Variants in RHPN2 observed in about 807,000 individuals in gnomAD.
The protein encoded by RHPN2 is rhophilin-2.
Under a neutral mutation model 79.0 loss-of-function variants are expected in RHPN2, and 40 were observed. The observed-to-expected ratio is 0.51, with a 90% CI of 0.39 to 0.66. The LOEUF (loss-of-function observed/expected upper bound fraction) is 0.66, where lower values mean the gene tolerates loss of function less well. Among genes scored for constraint, RHPN2 ranks in the 30% least tolerant of loss-of-function variants. RHPN2 has a pLI of 0.00. For synonymous variants in RHPN2, 285 were observed against 363.5 expected (o/e 0.78, Z 2.46); for missense variants, 686 against 883.5 (o/e 0.78, Z 2.83).
chr19:32,993,860 A>G, intron 12 of RHPN2, 117 bp downstream of exon 12: 2 of 791,136 alleles, frequency 2.5e-6, no homozygotes, highest in Admixed American at 3.6e-5. Context: ...CTGCTGTCAT[A>G]AGCCCCCCAG....
At chr19:32,996,960 A>G (rs1971707290) in intron 10 of RHPN2, among the ~76,000 whole-genome samples, 1 of 152,108 alleles carries the variant, frequency 6.6e-6, no homozygotes, top group Non-Finnish European at 1.5e-5. Context: ...CAGTGGTGCA[A>G]TCATGGCTTA....
chr19:33,021,602 G>A lies in RHPN2; in HGVS notation c.359C>T (p.Thr120Met), dbSNP rs557556955. 43 of 1,613,892 alleles carry A rather than the reference G, an allele frequency of 2.7e-5. No homozygotes were observed. Among genetic ancestry groups the A allele is most frequent in the East Asian group, 4.5e-5 (2 of 44,866 alleles). ...IPLIPLGLKE[T>M]KDVDFAVVLK... Reference sequence around the variant, plus strand: ...GACGACTGCAAAGTCGACGTCTTTCGTTTCCTTCAGGCCAAGAGGAATCAG... The same window carrying A: ...GACGACTGCAAAGTCGACGTCTTTCATTTCCTTCAGGCCAAGAGGAATCAG... Residue 120 changes from threonine (T) to methionine (M), a missense_variant, in exon 4 of 15, where the codon ACG (threonine) becomes ATG (methionine). Coordinates refer to ENST00000254260, the MANE Select transcript of RHPN2 (RefSeq NM_033103.5).
chr19:33,007,967 C>T (rs760434645), intron 7 of RHPN2, 47 bp downstream of exon 7: 15 of 1,608,504 alleles, frequency 9.3e-6, no homozygotes, highest in Non-Finnish European at 1.2e-5. Context: ...CCTGGTGCCA[C>T]CGGGTGGGGC....
chr19:33,036,735 C>T (rs994448422), intron 2 of RHPN2, among the ~76,000 whole-genome samples: 3 of 152,170 alleles, frequency 2.0e-5, no homozygotes, highest in African/African-American at 7.2e-5. Context: ...CACTAGGAGC[C>T]GACGTCCGGC....
chr19:33,040,123 T>C (rs1972088569), intron 2 of RHPN2, among the ~76,000 whole-genome samples: 1 of 151,544 alleles, frequency 6.6e-6, no homozygotes, highest in South Asian at 2.1e-4. Context: ...GCCCAACAAC[T>C]CTCAGCACAA....
At chr19:33,012,325 C>T (rs1040808291) in intron 5 of RHPN2, among the ~76,000 whole-genome samples, 5 of 151,926 alleles carry the variant, frequency 3.3e-5, no homozygotes, top group African/African-American at 1.2e-4. Flanking sequence ...TACCAGCATG[C>T]ACCACCACGC....
chr19:33,024,683 G>A (rs1424037904), intron 3 of RHPN2, among the ~76,000 whole-genome samples: 1 of 152,126 alleles, frequency 6.6e-6, no homozygotes, highest in East Asian at 1.9e-4. Context: ...TACTTTTTGA[G>A]AAGTCTCATG....
At chr19:33,023,569 C>T (rs543925396) in intron 3 of RHPN2, among the ~76,000 whole-genome samples, 28 of 151,688 alleles carry the variant, frequency 1.8e-4, no homozygotes, top group Middle Eastern at 3.4e-3. Context: ...AGGCGGATCA[C>T]GAGGTCAGGA....
At chr19:32,998,144 G>A (rs1347009730) in intron 10 of RHPN2, among the ~76,000 whole-genome samples, 2 of 152,314 alleles carry the variant, frequency 1.3e-5, no homozygotes, top group East Asian at 3.9e-4. Context: ...TGACCTCTCT[G>A]GGTCTCAGTT....
intron 1 of RHPN2, among the ~76,000 whole-genome samples, chr19:33,045,833 C>T (rs1252977070): frequency 6.6e-6 from 1 of 152,222 alleles, no homozygotes; most frequent in African/African-American, 2.4e-5. Context: ...TAGCCATTAG[C>T]ATCGCTCCTC....
rs1410368510 is a variant in RHPN2, at chr19:33,064,197, G to A, written c.69+587C>T. ...CAGTTCTACAAAAAATTAGCGTGGC[G>A]AGGTGGCGCGCCTGCAGTCCCAGTT... On this transcript the variant is annotated intron_variant, in intron 1 of 14. Coordinates refer to ENST00000254260, the MANE Select transcript of RHPN2 (RefSeq NM_033103.5). Among the ~76,000 whole-genome samples, 3 of 152,150 alleles carry A rather than the reference G, an allele frequency of 2.0e-5. No individual in the cohort carries two copies. In the East Asian group the frequency reaches 5.8e-4, roughly 29 times the overall value.
chr19:32,989,790 C>A lies in RHPN2; in HGVS notation c.1800+724G>T, dbSNP rs142461621. On this transcript the variant is annotated intron_variant, in intron 14 of 14. Transcript: ENST00000254260. ...TTCAAGACCAGCCTTGGCAACATAGCAAGAACCTGTCTCTACAAAAAAATA... is the reference window on the plus strand; with the variant it reads ...TTCAAGACCAGCCTTGGCAACATAGAAAGAACCTGTCTCTACAAAAAAATA... Among the ~76,000 whole-genome samples the A allele has an allele frequency of 2.9e-3, 445 of 151,912 alleles. 4 individuals carry two copies. Among genetic ancestry groups the A allele is most frequent in the African/African-American group, 0.01 (417 of 41,426 alleles).
rs1238200730 is a variant in RHPN2 at position 33,021,641 on chromosome 19, G to T, written c.320C>A (p.Ala107Glu). 1 of 1,613,126 alleles carries T rather than the reference G, an allele frequency of 6.2e-7. No individual in the cohort carries two copies. The highest frequency in any genetic ancestry group is 1.3e-5 in the African/African-American group (1 of 74,902). The stretch of plus-strand genomic sequence containing the variant: ...AAGAGGAATCAGGGGAATCGTAAAT[G>T]CCTCCCTATGAGGAACACAACAAGG... ...SVGVYQNTEE[A>E]FTIPLIPLGL... The change falls in exon 4 of 15, where the codon GCA (alanine) becomes GAA (glutamate). Residue 107 changes from alanine to glutamate, a missense_variant. Ala to Glu is a moderately radical substitution (Grantham distance 107, BLOSUM62 -1). Transcript: ENST00000254260.
At chr19:33,063,071 C>T (rs1319353320) in intron 1 of RHPN2, among the ~76,000 whole-genome samples, 3 of 152,048 alleles carry the variant, frequency 2.0e-5, no homozygotes, top group Non-Finnish European at 4.4e-5. Context: ...CAGCAACTTG[C>T]GGGAGGCCAC....
chr19:33,034,328 G>A (rs1361994990), intron 2 of RHPN2, among the ~76,000 whole-genome samples: 2 of 141,250 alleles, frequency 1.4e-5, no homozygotes, highest in African/African-American at 2.7e-5. Flanking sequence ...AAAGTTGGCC[G>A]GGCGCGGTGG....
At chr19:33,019,193 C>T (rs942209225) in intron 4 of RHPN2, among the ~76,000 whole-genome samples, 2 of 152,056 alleles carry the variant, frequency 1.3e-5, no homozygotes, top group African/African-American at 2.4e-5. Context: ...GCCTATAATC[C>T]CAGCACTTTG....
chr19:33,060,657 T>C (rs1974784), intron 1 of RHPN2, among the ~76,000 whole-genome samples: 4 of 152,040 alleles, frequency 2.6e-5, no homozygotes, highest in African/African-American at 9.6e-5. Flanking sequence ...CTAGGCCTCC[T>C]GAGTATATGG....
At chr19:33,013,786 A>G (rs1398112920) in intron 4 of RHPN2, among the ~76,000 whole-genome samples, 2 of 152,150 alleles carry the variant, frequency 1.3e-5, no homozygotes, top group East Asian at 3.9e-4. Context: ...AGGACTGTCA[A>G]TAACAGTCTC....
Position 32,980,125 on chromosome 19 carries a change from G to A in RHPN2, c.1932C>T (p.Gly644=). ...ISKKLSFLSW[G]TNKNRQKSAS... Reference sequence around the variant, plus strand: ...CTGACTTCTGTCTGTTCTTGTTGGTGCCCCAACTCAGGAAGGAAAGCTTCT... The same window carrying A: ...CTGACTTCTGTCTGTTCTTGTTGGTACCCCAACTCAGGAAGGAAAGCTTCT... The change falls in exon 15 of 15, where the codon GGC becomes GGT. Residue 644 remains glycine, a synonymous_variant. Coordinates refer to ENST00000254260, the MANE Select transcript of RHPN2 (RefSeq NM_033103.5). 1 of 1,613,924 alleles carries A rather than the reference G, an allele frequency of 6.2e-7. No homozygotes were observed. Among genetic ancestry groups the A allele is most frequent in the South Asian group, 1.1e-5 (1 of 91,076 alleles).
Sources: gnomAD v4.1 joint callset for allele counts (sites outside exome capture counted in the v4.1 genomes callset) on GRCh38, gnomAD v4.1.1 for gene constraint, MANE v1.5 for transcripts, NCBI Gene and HGNC (gene_info 2026-07-23, HGNC 2026-07-21) for gene names.